The following KCNIP4 variants were observed in gnomAD, a reference collection of about 807,000 sequenced individuals.
The protein encoded by KCNIP4 is Kv channel-interacting protein 4.
Under a neutral mutation model 34.0 loss-of-function variants are expected in KCNIP4, and 12 were observed. The ratio of observed to expected loss-of-function variants is 0.35; its 90% CI spans 0.23 to 0.57. The LOEUF is 0.57. KCNIP4 is among the 20% of genes least tolerant of loss of function. The pLI, the probability that KCNIP4 is intolerant of heterozygous loss-of-function variation, is 0.83. For missense variants in KCNIP4, 238 were observed against 311.7 expected (o/e 0.76, Z 1.78); for synonymous variants, 124 against 102.2 (o/e 1.21, Z -1.29).
chr4:21,779,078 T>C (rs1358061415), intron 1 of KCNIP4, among the ~76,000 whole-genome samples: 1 of 152,148 alleles, frequency 6.6e-6, no homozygotes, highest in African/African-American at 2.4e-5. Flanking sequence ...CTTCCTGTTT[T>C]CTATTCCATT....
chr4:21,913,101 C>T (rs1728431679), intron 1 of KCNIP4, among the ~76,000 whole-genome samples: 1 of 151,812 alleles, frequency 6.6e-6, no homozygotes, highest in South Asian at 2.1e-4. Context: ...TTGCAACCTG[C>T]ATTTTAATAG....
chr4:21,780,332 G>C (rs558764191), intron 1 of KCNIP4, among the ~76,000 whole-genome samples: 29 of 152,208 alleles, frequency 1.9e-4, no homozygotes, highest in South Asian at 8.3e-4. Flanking sequence ...AAGTGGTAGG[G>C]AAAGGGACTA....
At chr4:21,240,948 A>G (rs1297800312) in intron 1 of KCNIP4, among the ~76,000 whole-genome samples, 1 of 152,210 alleles carries the variant, frequency 6.6e-6, no homozygotes, top group Non-Finnish European at 1.5e-5. Context: ...TGTTCATTTC[A>G]TTGTAATTTA....
chr4:21,487,818 T>C lies in KCNIP4; in HGVS notation c.61+460753A>G, dbSNP rs184945835. Among the ~76,000 whole-genome samples, 143 of 152,354 alleles carry C rather than the reference T, an allele frequency of 9.4e-4. 1 individual carries two copies. The highest frequency in any genetic ancestry group is 3.3e-3 in the African/African-American group (138 of 41,596). On this transcript the variant is annotated intron_variant, in intron 1 of 8. Transcript: ENST00000382152. The stretch of plus-strand genomic sequence containing the variant: ...CTTTGGTAGTTAGGAGCTCGTTCAC[T>C]TGGCTCCTCTGTCCTTTTGGCATCA...
chr4:21,661,833 T>C (rs1270936483), intron 1 of KCNIP4, among the ~76,000 whole-genome samples: 2 of 152,218 alleles, frequency 1.3e-5, no homozygotes, highest in African/African-American at 4.8e-5. Flanking sequence ...GATAAAATAC[T>C]AGTGCCAAAG....
At chr4:20,781,678 C>A (rs977521033) in intron 3 of KCNIP4, among the ~76,000 whole-genome samples, 8 of 152,144 alleles carry the variant, frequency 5.3e-5, no homozygotes, top group African/African-American at 1.9e-4. Context: ...AATTATCTCC[C>A]ATTGGGTCCC....
chr4:21,052,658 C>G (rs1274318424), intron 1 of KCNIP4, among the ~76,000 whole-genome samples: 6 of 152,134 alleles, frequency 3.9e-5, no homozygotes, highest in African/African-American at 1.4e-4. Flanking sequence ...AACTCCTTAC[C>G]TCTTGGTATA....
intron 1 of KCNIP4, among the ~76,000 whole-genome samples, chr4:21,570,438 A>G (rs943135221): frequency 2.0e-5 from 3 of 152,130 alleles, no homozygotes; most frequent in Admixed American, 1.3e-4. Context: ...GGTGATAGAA[A>G]TGTTAACGTG....
Position 20,729,424 on chromosome 4 carries a change from T to TATTAAAATAAGC in KCNIP4, c.*657_*658insGCTTATTTTAAT, listed in dbSNP as rs1295015050. ...TAACATATTATGGAAAATTAAATGC[T>TATTAAAATAAGC]TATTAAAATAAGTTTTATTAGGCAT... is the stretch of plus-strand genomic sequence containing the variant. On this transcript the variant is annotated 3_prime_UTR_variant, in exon 9 of 9. Coordinates refer to ENST00000382152, the MANE Select transcript of KCNIP4 (RefSeq NM_025221.6). The TATTAAAATAAGC allele has an allele frequency of 1.3e-5, 2 of 152,280 alleles. No individual in the cohort carries two copies. Among genetic ancestry groups the TATTAAAATAAGC allele is most frequent in the Non-Finnish European group, 1.5e-5 (1 of 67,986 alleles). The allele number at this position is 152,280 out of a possible 1,614,324, so 9.4% of individuals were successfully genotyped here.
At chr4:21,413,441 G>A (rs1724681749) in intron 1 of KCNIP4, among the ~76,000 whole-genome samples, 3 of 152,088 alleles carry the variant, frequency 2.0e-5, no homozygotes, top group Admixed American at 2.0e-4. Flanking sequence ...ACTTGTAACT[G>A]AAAGCACCTT....
intron 1 of KCNIP4, among the ~76,000 whole-genome samples, chr4:21,505,940 T>A (rs950455511): frequency 3.0e-4 from 45 of 151,966 alleles, no homozygotes; most frequent in Non-Finnish European, 5.9e-4. Flanking sequence ...CCATCTCTAC[T>A]AAAAATACAA....
intron 1 of KCNIP4, among the ~76,000 whole-genome samples, chr4:21,653,264 TTTCTACAGCTTAC>T (rs920967630): frequency 6.6e-6 from 1 of 152,220 alleles, no homozygotes; most frequent in African/African-American, 2.4e-5. Context: ...TAAAATTCCA[TTTCTACAGCTTAC>T]TTCTACAGCT....
At chr4:21,060,752 A>G (rs1422570030) in intron 1 of KCNIP4, among the ~76,000 whole-genome samples, 3 of 152,236 alleles carry the variant, frequency 2.0e-5, no homozygotes, top group Non-Finnish European at 4.4e-5. Context: ...TTGCTGAAGC[A>G]ATAGCTGGGA....
At position 20,905,509 on chromosome 4, in the gene KCNIP4, C is replaced by CTTTTTTTTTTTTTTTTTTTTTT. The variant is rs10686415; in HGVS notation, c.62-22801_62-22800insAAAAAAAAAAAAAAAAAAAAAA. Among the ~76,000 whole-genome samples, 247 of 72,760 alleles carry CTTTTTTTTTTTTTTTTTTTTTT rather than the reference C, an allele frequency of 3.4e-3. 12 individuals are homozygous for CTTTTTTTTTTTTTTTTTTTTTT. Among genetic ancestry groups the CTTTTTTTTTTTTTTTTTTTTTT allele is most frequent in the East Asian group, 4.8e-3 (10 of 2,098 alleles). The allele number at this position is 72,760 out of a possible 152,430, so 47.7% of individuals were successfully genotyped here. A position where few individuals can be genotyped will look rare whatever the true frequency, so the allele number is the denominator to read the frequency against. On this transcript the variant is annotated intron_variant, in intron 1 of 8. Transcript: ENST00000382152. ...ACACAGGTAGTTGAACGTTTTCTTT[C>CTTTTTTTTTTTTTTTTTTTTTT]TTTTTTTTTTTTTTTTGTTTGAGAT...
At chr4:20,875,144 C>T (rs1723875710) in intron 2 of KCNIP4, among the ~76,000 whole-genome samples, 1 of 151,758 alleles carries the variant, frequency 6.6e-6, no homozygotes, top group Non-Finnish European at 1.5e-5. Flanking sequence ...CATCTTCCTG[C>T]ACAATATGTG....
At chr4:20,826,589 AAAACAAAC>A (rs10687574) in intron 3 of KCNIP4, among the ~76,000 whole-genome samples, 5,361 of 150,932 alleles carry the variant, frequency 0.036, 175 homozygotes, top group East Asian at 0.086. Context: ...ACCTTGTCTC[AAAACAAAC>A]AAACAAACAA....
intron 1 of KCNIP4, chr4:21,848,002 G>T (rs1724135965): frequency 6.6e-6 from 1 of 152,034 alleles, no homozygotes; most frequent in South Asian, 2.1e-4. Context: ...TTGGCTATTT[G>T]ACTGTATTCT....
chr4:21,449,593 C>A (rs1258574683), intron 1 of KCNIP4, among the ~76,000 whole-genome samples: 3 of 151,304 alleles, frequency 2.0e-5, no homozygotes, highest in Admixed American at 6.6e-5. Context: ...CTCCATATCA[C>A]ATATATTTAA....
chr4:20,871,091 G>T (rs1723409764), intron 2 of KCNIP4, among the ~76,000 whole-genome samples: 1 of 152,138 alleles, frequency 6.6e-6, no homozygotes, highest in Non-Finnish European at 1.5e-5. Context: ...CTAATGCCTA[G>T]TATGGCCTGG....
Sources: gnomAD v4.1 joint callset for allele counts (sites outside exome capture counted in the v4.1 genomes callset) on GRCh38, gnomAD v4.1.1 for gene constraint, MANE v1.5 for transcripts, NCBI Gene and HGNC (gene_info 2026-07-23, HGNC 2026-07-21) for gene names.